Variants in ERBB4 observed in about 807,000 individuals in gnomAD.
The protein encoded by ERBB4 is erb-b2 receptor tyrosine kinase 4.
In ERBB4, 42 loss-of-function variants were observed where a neutral mutation model predicts 158.0. The ratio of observed to expected loss-of-function variants is 0.27; its 90% CI spans 0.21 to 0.34. The LOEUF (loss-of-function observed/expected upper bound fraction) is 0.34, where lower values mean the gene tolerates loss of function less well. ERBB4 is among the 10% of genes least tolerant of loss of function. ERBB4 has a pLI of 1.00. For missense variants in ERBB4, 1,333 were observed against 1,624.1 expected (o/e 0.82, Z 3.08); for synonymous variants, 583 against 558.7 (o/e 1.04, Z -0.61).
intron 16 of ERBB4, 48 bp from the exon 17 acceptor site, chr2:211,630,642 G>A (rs2125873687): frequency 6.7e-7 from 1 of 1,499,246 alleles, no homozygotes; most frequent in Non-Finnish European, 9.2e-7. Flanking sequence ...TGAAGAGAGA[G>A]AAGACAGAGG....
chr2:211,504,296 C>G (rs2065690433), intron 20 of ERBB4, among the ~76,000 whole-genome samples: 1 of 152,000 alleles, frequency 6.6e-6, no homozygotes, highest in Admixed American at 6.5e-5. Context: ...CTACTAAAAC[C>G]TACAAACAAT....
intron 1 of ERBB4, among the ~76,000 whole-genome samples, chr2:212,376,759 G>A (rs1455079900): frequency 1.3e-5 from 2 of 152,038 alleles, no homozygotes; most frequent in South Asian, 2.1e-4. Context: ...TAAATGTCTG[G>A]TATCATCATT....
intron 2 of ERBB4, among the ~76,000 whole-genome samples, chr2:211,990,870 G>A (rs1036743313): frequency 6.6e-6 from 1 of 151,848 alleles, no homozygotes; most frequent in Non-Finnish European, 1.5e-5. Flanking sequence ...TTTCTTATGT[G>A]ACTGGAACAT....
chr2:211,532,953 A>T (rs2066541222), intron 20 of ERBB4, among the ~76,000 whole-genome samples: 1 of 151,664 alleles, frequency 6.6e-6, no homozygotes, highest in South Asian at 2.1e-4. Context: ...AATATTTAAC[A>T]TTTATATTAT....
At chr2:212,100,085 A>G (rs2079041267) in intron 2 of ERBB4, among the ~76,000 whole-genome samples, 1 of 152,048 alleles carries the variant, frequency 6.6e-6, no homozygotes, top group African/African-American at 2.4e-5. Flanking sequence ...ATGGTCTTAC[A>G]GTCATTACTG....
intron 1 of ERBB4, among the ~76,000 whole-genome samples, chr2:212,417,604 C>A (rs1044778493): frequency 6.6e-6 from 1 of 152,006 alleles, no homozygotes; most frequent in Non-Finnish European, 1.5e-5. Flanking sequence ...GATATTCAAC[C>A]TGTAATGTCA....
At chr2:211,681,055 T>A (rs902389741) in intron 12 of ERBB4, among the ~76,000 whole-genome samples, 1 of 152,192 alleles carries the variant, frequency 6.6e-6, no homozygotes, top group Admixed American at 6.5e-5. Flanking sequence ...TTTCTGTTAC[T>A]CACTGTACAT....
intron 1 of ERBB4, among the ~76,000 whole-genome samples, chr2:212,489,407 CA>C (rs1690152037): frequency 6.6e-6 from 1 of 151,912 alleles, no homozygotes; most frequent in African/African-American, 2.4e-5. Flanking sequence ...AACCAAGACT[CA>C]AGTCCTTATA....
At chr2:212,530,946 A>G (rs1383785073) in intron 1 of ERBB4, among the ~76,000 whole-genome samples, 1 of 152,200 alleles carries the variant, frequency 6.6e-6, no homozygotes, top group South Asian at 2.1e-4. Context: ...TAAATCTTCA[A>G]TCGGTCTTGA....
chr2:211,903,851 C>CAAGAA lies in ERBB4; in HGVS notation c.421+43574_421+43578dup, dbSNP rs200071957. 3.5e-3 allele frequency among the ~76,000 whole-genome samples: 527 copies of CAAGAA among 151,106 alleles called. 1 individual carries two copies. Among genetic ancestry groups the CAAGAA allele is most frequent in the African/African-American group, 0.011 (473 of 41,222 alleles). On this transcript the variant is annotated intron_variant, in intron 3 of 27. Coordinates refer to ENST00000342788, the MANE Select transcript of ERBB4 (RefSeq NM_005235.3). Reference sequence around the variant, plus strand: ...TGGTTGCAAGAATATACCAGATTAACAAGAAAAGAAAAGAAAAGAAACACA... The same window carrying CAAGAA: ...TGGTTGCAAGAATATACCAGATTAACAAGAAAAGAAAAGAAAAGAAAAGAAACACA...
intron 1 of ERBB4, among the ~76,000 whole-genome samples, chr2:212,221,597 T>C (rs114690367): frequency 0.022 from 3,314 of 151,532 alleles, 97 homozygotes; most frequent in African/African-American, 0.068. Context: ...TTAAAGGTCC[T>C]CCCCCTGTTG....
chr2:211,532,272 G>A (rs1302944780), intron 20 of ERBB4, among the ~76,000 whole-genome samples: 1 of 152,046 alleles, frequency 6.6e-6, no homozygotes, highest in East Asian at 1.9e-4. Flanking sequence ...ACATTTTAAA[G>A]TAACTAAAAG....
intron 3 of ERBB4, among the ~76,000 whole-genome samples, chr2:211,817,031 T>C (rs143791563): frequency 6.6e-6 from 1 of 152,338 alleles, no homozygotes; most frequent in East Asian, 1.9e-4. Context: ...ACTAATTACA[T>C]TCAGCCTGCC....
Position 211,765,516 on chromosome 2 carries a change from T to C in ERBB4, c.557-14812A>G, listed in dbSNP as rs2075530110. On this transcript the variant is annotated intron_variant, in intron 4 of 27. Transcript: ENST00000342788. ...CAGGAAAAAAAAATCTCTGAGCCCA[T>C]TGTATATACTAACAGAAATGACTTA... Among the ~76,000 whole-genome samples the C allele has an allele frequency of 5.3e-5, 8 of 152,170 alleles. No homozygotes were observed. In the South Asian group the frequency reaches 1.7e-3, roughly 32 times the overall value.
intron 20 of ERBB4, among the ~76,000 whole-genome samples, chr2:211,513,233 G>A (rs56686623): frequency 0.026 from 3,919 of 152,090 alleles, 186 homozygotes; most frequent in African/African-American, 0.09. Context: ...AGAGTGCAAT[G>A]GAAATAACAA....
At chr2:211,464,981 T>G (rs1331201696) in intron 20 of ERBB4, among the ~76,000 whole-genome samples, 1 of 22,824 alleles carries the variant, frequency 4.4e-5, no homozygotes, top group African/African-American at 6.8e-5. Flanking sequence ...CTTTTTTTTT[T>G]CTTTTTTTTT....
intron 20 of ERBB4, among the ~76,000 whole-genome samples, chr2:211,492,437 T>C (rs992861104): frequency 5.3e-5 from 8 of 152,082 alleles, no homozygotes; most frequent in Admixed American, 2.6e-4. Flanking sequence ...ATTGTGAGGA[T>C]TAAATGAGGT....
chr2:212,294,581 TA>T (rs1447790177), intron 1 of ERBB4, among the ~76,000 whole-genome samples: 1 of 152,032 alleles, frequency 6.6e-6, no homozygotes, highest in Non-Finnish European at 1.5e-5. Context: ...TGTATCGCTT[TA>T]AAATTTGTCA....
At position 211,943,127 on chromosome 2, in the gene ERBB4, T is replaced by C. The variant is rs551780745; in HGVS notation, c.421+4303A>G. ...TCCTTTATATCTACAATATAATATA[T>C]AGATTAAATTGTATCACATTACCAA... On this transcript the variant is annotated intron_variant, in intron 3 of 27. Transcript: ENST00000342788. Among the ~76,000 whole-genome samples, 101 of 152,130 alleles carry C rather than the reference T, an allele frequency of 6.6e-4. 1 individual carries two copies. Among genetic ancestry groups the C allele is most frequent in the African/African-American group, 2.2e-3 (92 of 41,510 alleles).
Sources: gnomAD v4.1 joint callset for allele counts (sites outside exome capture counted in the v4.1 genomes callset) on GRCh38, gnomAD v4.1.1 for gene constraint, MANE v1.5 for transcripts, NCBI Gene and HGNC (gene_info 2026-07-23, HGNC 2026-07-21) for gene names.